The following ERBB4 variants were observed in gnomAD, a reference collection of about 807,000 sequenced individuals.
ERBB4 encodes the protein erb-b2 receptor tyrosine kinase 4.
Under a neutral mutation model 158.0 loss-of-function variants are expected in ERBB4, and 42 were observed. That is an observed-to-expected ratio of 0.27 (90% CI 0.21 to 0.34). The LOEUF (loss-of-function observed/expected upper bound fraction) is 0.34. Ranked by LOEUF, ERBB4 falls within the 10% of genes least tolerant of loss-of-function variation. ERBB4 has a pLI of 1.00. For synonymous variants in ERBB4, 583 were observed against 558.7 expected (o/e 1.04, Z -0.61); for missense variants, 1,333 against 1,624.1 (o/e 0.82, Z 3.08).
chr2:212,015,124 G>T (rs2076498473), intron 2 of ERBB4, among the ~76,000 whole-genome samples: 1 of 130,822 alleles, frequency 7.6e-6, no homozygotes, highest in African/African-American at 3.0e-5. Context: ...AAATTAGCCG[G>T]GCATGGTGGC....
intron 3 of ERBB4, among the ~76,000 whole-genome samples, chr2:211,856,322 CTTCA>C (rs2077859037): frequency 6.6e-6 from 1 of 151,934 alleles, no homozygotes; most frequent in Non-Finnish European, 1.5e-5. Flanking sequence ...GGGGAATGTT[CTTCA>C]TTAAGTCACT....
intron 2 of ERBB4, among the ~76,000 whole-genome samples, chr2:212,103,377 A>G (rs2079136731): frequency 6.6e-6 from 1 of 152,148 alleles, no homozygotes; most frequent in Non-Finnish European, 1.5e-5. Flanking sequence ...TTAAACCTGT[A>G]AAAAGAAACA....
intron 19 of ERBB4, among the ~76,000 whole-genome samples, chr2:211,593,747 C>G (rs533384072): frequency 6.6e-6 from 1 of 152,256 alleles, no homozygotes; most frequent in South Asian, 2.1e-4. Context: ...GCAAAACAAC[C>G]ACCACCCTGA....
chr2:212,263,934 T>G (rs2085036285), intron 1 of ERBB4, among the ~76,000 whole-genome samples: 2 of 152,086 alleles, frequency 1.3e-5, no homozygotes, highest in South Asian at 4.1e-4. Flanking sequence ...GTTAGACCCT[T>G]TGTAATATCT....
At chr2:211,427,413 C>T (rs989275017) in intron 22 of ERBB4, among the ~76,000 whole-genome samples, 4 of 151,894 alleles carry the variant, frequency 2.6e-5, no homozygotes, top group Non-Finnish European at 5.9e-5. Flanking sequence ...TTGGTATTAC[C>T]GGACTTACTT....
chr2:211,618,070 C>CT (rs1235958429), intron 19 of ERBB4, among the ~76,000 whole-genome samples: 2 of 151,830 alleles, frequency 1.3e-5, no homozygotes, highest in East Asian at 1.9e-4. Flanking sequence ...TTAAAAAGTA[C>CT]TTTTTTACTC....
chr2:212,070,437 G>A (rs1289585258), intron 2 of ERBB4, among the ~76,000 whole-genome samples: 1 of 151,990 alleles, frequency 6.6e-6, no homozygotes, highest in Non-Finnish European at 1.5e-5. Flanking sequence ...ATACTTTCTG[G>A]TTTCACAGCT....
At position 211,772,405 on chromosome 2, in the gene ERBB4, A is replaced by G. The variant is rs562639824; in HGVS notation, c.556+15620T>C. On this transcript the variant is annotated intron_variant, in intron 4 of 27. Coordinates refer to ENST00000342788, the MANE Select transcript of ERBB4 (RefSeq NM_005235.3). ...GTGTGGAGTGTTTCCTAATATGACA[A>G]TTGACATTTCCACTAAATCAGAAAC... Among the ~76,000 whole-genome samples the G allele has an allele frequency of 1.5e-4, 23 of 152,220 alleles. No individual in the cohort carries two copies. In the South Asian group the frequency reaches 4.8e-3, roughly 32 times the overall value.
intron 4 of ERBB4, among the ~76,000 whole-genome samples, chr2:211,766,770 C>T (rs2075558686): frequency 6.6e-6 from 1 of 152,132 alleles, no homozygotes; most frequent in African/African-American, 2.4e-5. Context: ...AAAACCCCAC[C>T]TCTCCACTCT....
chr2:212,105,997 T>C (rs2079215952), intron 2 of ERBB4, among the ~76,000 whole-genome samples: 1 of 152,196 alleles, frequency 6.6e-6, no homozygotes, highest in Non-Finnish European at 1.5e-5. Flanking sequence ...GAACTGTGAG[T>C]CCATTAAACC....
At chr2:211,710,963 C>T (rs1220100483) in intron 9 of ERBB4, among the ~76,000 whole-genome samples, 1 of 151,300 alleles carries the variant, frequency 6.6e-6, no homozygotes, top group Non-Finnish European at 1.5e-5. Flanking sequence ...CCAGTTCCAA[C>T]AAATTGTTGC....
intron 4 of ERBB4, among the ~76,000 whole-genome samples, chr2:211,763,718 C>T (rs769861058): frequency 7.9e-5 from 12 of 151,730 alleles, no homozygotes; most frequent in African/African-American, 2.4e-4. Flanking sequence ...TAGACATCAC[C>T]GAGACAGATA....
intron 2 of ERBB4, among the ~76,000 whole-genome samples, chr2:212,027,369 G>A (rs933366484): frequency 2.6e-5 from 4 of 151,924 alleles, no homozygotes; most frequent in African/African-American, 4.8e-5. Context: ...GTCAAATTGG[G>A]TATTTATTTT....
intron 2 of ERBB4, among the ~76,000 whole-genome samples, chr2:212,008,508 A>C (rs1348950134): frequency 6.6e-6 from 1 of 152,132 alleles, no homozygotes; most frequent in East Asian, 1.9e-4. Flanking sequence ...GAATAAATGA[A>C]TGAACAAATA....
At chr2:211,805,435 G>T (rs1304312187) in intron 3 of ERBB4, among the ~76,000 whole-genome samples, 1 of 152,142 alleles carries the variant, frequency 6.6e-6, no homozygotes, top group Admixed American at 6.5e-5. Context: ...GTCAAAGAAA[G>T]AAAACACAAG....
chr2:212,123,844 A>G (rs2079835718), intron 2 of ERBB4, among the ~76,000 whole-genome samples: 1 of 152,190 alleles, frequency 6.6e-6, no homozygotes, highest in Non-Finnish European at 1.5e-5. Flanking sequence ...GGCTTACTAT[A>G]TCAGTATTCA....
Position 211,382,598 on chromosome 2 carries a change from T to C in ERBB4, c.*1017A>G, listed in dbSNP as rs1343326051. 4.3e-6 allele frequency: 1 copy of C among 232,956 alleles called. No individual in the cohort carries two copies. The highest frequency in any genetic ancestry group is 8.5e-6 in the Non-Finnish European group (1 of 117,744). 14.4% of individuals were successfully genotyped at this position (232,956 alleles called of 1,614,324 possible). A position where few individuals can be genotyped will look rare whatever the true frequency, so the allele number is the denominator to read the frequency against. Reference sequence around the variant, plus strand: ...ATCCAGTGTGTTTCTTCCAGTTCAATGGATTCCCTCATTGGGCCACCCCTG... The same window carrying C: ...ATCCAGTGTGTTTCTTCCAGTTCAACGGATTCCCTCATTGGGCCACCCCTG... On this transcript the variant is annotated 3_prime_UTR_variant, in exon 28 of 28. Coordinates refer to ENST00000342788, the MANE Select transcript of ERBB4 (RefSeq NM_005235.3).
At chr2:211,395,950 C>CTGTT (rs1433544215) in intron 25 of ERBB4, among the ~76,000 whole-genome samples, 12 of 151,284 alleles carry the variant, frequency 7.9e-5, no homozygotes, top group African/African-American at 2.7e-4. Flanking sequence ...CAATAAGATA[C>CTGTT]TGTTTAGGGA....
intron 12 of ERBB4, among the ~76,000 whole-genome samples, chr2:211,695,771 C>T (rs2072994103): frequency 6.6e-6 from 1 of 151,976 alleles, no homozygotes; most frequent in South Asian, 2.1e-4. Context: ...ATTTATCTTT[C>T]CTTTTTATCC....
Sources: allele counts gnomAD v4.1 joint callset (sites outside exome capture counted in the v4.1 genomes callset), GRCh38; gene constraint gnomAD v4.1.1; transcripts MANE v1.5; gene names NCBI Gene and HGNC (gene_info 2026-07-23, HGNC 2026-07-21).